Variants in RETREG1 observed in about 807,000 individuals in gnomAD.
RETREG1 encodes the protein family with sequence similarity 134 member B.
Under a neutral mutation model 54.8 loss-of-function variants are expected in RETREG1, and 44 were observed. The observed-to-expected ratio is 0.80, with a 90% confidence interval of 0.63 to 1.03. The LOEUF (loss-of-function observed/expected upper bound fraction) is 1.03, where lower values mean the gene tolerates loss of function less well. Ranked by LOEUF, RETREG1 falls within the 50% of genes least tolerant of loss-of-function variation. The probability of loss-of-function intolerance (pLI) is 0.00; values close to 1 mark genes in which losing one functional copy is unlikely to be tolerated. For synonymous variants in RETREG1, 217 were observed against 238.5 expected, an observed-to-expected ratio of 0.91 and a Z score of 0.83; for missense variants, 554 against 605.1, an observed-to-expected ratio of 0.92 and a Z score of 0.89.
intron 3 of RETREG1, 52 bp downstream of exon 3, chr5:16,565,711 C>G: frequency 3.6e-5 from 56 of 1,534,956 alleles, no homozygotes; most frequent in Non-Finnish European, 4.9e-5. Flanking sequence ...TGGCTCAGTC[C>G]CCTCCCTCAC....
chr5:16,548,909 G>A (rs957630778), intron 3 of RETREG1, among the ~76,000 whole-genome samples: 2 of 152,204 alleles, frequency 1.3e-5, no homozygotes, highest in African/African-American at 2.4e-5. Flanking sequence ...TGTTACGGCT[G>A]CCTGAGCAGA....
intron 1 of RETREG1, among the ~76,000 whole-genome samples, chr5:16,574,142 G>C (rs998601179): frequency 4.6e-5 from 7 of 152,100 alleles, no homozygotes; most frequent in African/African-American, 1.7e-4. Flanking sequence ...AATACAACAT[G>C]AACCAAAGAT....
intron 1 of RETREG1, among the ~76,000 whole-genome samples, chr5:16,599,451 C>G (rs1283479241): frequency 6.6e-6 from 1 of 152,094 alleles, no homozygotes; most frequent in Non-Finnish European, 1.5e-5. Context: ...ATCACAACCA[C>G]ACAGTATTTT....
chr5:16,609,732 A>G (rs1195101653), intron 1 of RETREG1, among the ~76,000 whole-genome samples: 1 of 152,104 alleles, frequency 6.6e-6, no homozygotes, highest in Admixed American at 6.5e-5. Flanking sequence ...CCAAGAAGAG[A>G]ATGGATTTTG....
At chr5:16,584,958 A>T (rs555406513) in intron 1 of RETREG1, among the ~76,000 whole-genome samples, 1 of 151,408 alleles carries the variant, frequency 6.6e-6, no homozygotes, top group East Asian at 1.9e-4. Flanking sequence ...CCAGGATTAA[A>T]TGGAACTCAG....
intron 3 of RETREG1, among the ~76,000 whole-genome samples, chr5:16,516,063 CAAA>C (rs11351805): frequency 1.7e-4 from 21 of 121,220 alleles, no homozygotes; most frequent in Non-Finnish European, 2.3e-4. Flanking sequence ...TGAAATAAAG[CAAA>C]AAAAAAAAAA....
rs796283033 is a variant in RETREG1, at chr5:16,589,316, G to GTT, written c.321-17216_321-17215dup. Among the ~76,000 whole-genome samples the GTT allele has an allele frequency of 1.0e-2, 1,416 of 141,824 alleles. 21 individuals carry two copies. Among genetic ancestry groups the GTT allele is most frequent in the African/African-American group, 0.034 (1,336 of 39,070 alleles). 93.0% of individuals were successfully genotyped at this position (141,824 alleles called of 152,430 possible). On this transcript the variant is annotated intron_variant, in intron 1 of 8. Transcript: ENST00000306320. ...AGAAAGATGTTTTCAAAACTTGAGT[G>GTT]TTTTTTTTTTTTTCAAAAAGGAGTT...
intron 3 of RETREG1, among the ~76,000 whole-genome samples, chr5:16,542,240 A>G (rs1040797727): frequency 3.3e-5 from 5 of 152,242 alleles, no homozygotes; most frequent in Non-Finnish European, 7.3e-5. Flanking sequence ...ACGGATTCGT[A>G]AAGGCAGGAG....
At chr5:16,483,516 A>C in intron 3 of RETREG1, 44 bp from the exon 4 acceptor site, 2 of 1,604,572 alleles carry the variant, frequency 1.2e-6, no homozygotes, top group Non-Finnish European at 1.7e-6. Flanking sequence ...ACTTTGGATG[A>C]TTCATTCAAC....
intron 3 of RETREG1, among the ~76,000 whole-genome samples, chr5:16,518,681 G>C (rs971112462): frequency 3.3e-5 from 5 of 152,218 alleles, no homozygotes; most frequent in African/African-American, 1.2e-4. Context: ...GCCTTCAGGA[G>C]CACCTCTCCA....
intron 3 of RETREG1, among the ~76,000 whole-genome samples, chr5:16,538,102 A>G (rs924292445): frequency 2.6e-5 from 4 of 152,216 alleles, no homozygotes; most frequent in Non-Finnish European, 2.9e-5. Context: ...CAAGACTTCC[A>G]GAGCTGCAGT....
chr5:16,565,612 TG>T (rs1274289357), intron 3 of RETREG1, 150 bp downstream of exon 3: 29 of 809,262 alleles, frequency 3.6e-5, no homozygotes, highest in Non-Finnish European at 5.8e-5. Flanking sequence ...CTCCGATTGA[TG>T]GTATTTTTCT....
At chr5:16,536,776 G>A (rs1020437461) in intron 3 of RETREG1, among the ~76,000 whole-genome samples, 17 of 152,144 alleles carry the variant, frequency 1.1e-4, no homozygotes, top group Admixed American at 3.9e-4. Flanking sequence ...CAAAGTCAAC[G>A]GATGCCTGAG....
chr5:16,526,636 C>A (rs79001471), intron 3 of RETREG1, among the ~76,000 whole-genome samples: 1 of 152,172 alleles, frequency 6.6e-6, no homozygotes, highest in Admixed American at 6.5e-5. Context: ...TTTTGTTTAA[C>A]AAATACATGT....
At chr5:16,604,699 C>A (rs2126365252) in intron 1 of RETREG1, among the ~76,000 whole-genome samples, 1 of 152,288 alleles carries the variant, frequency 6.6e-6, no homozygotes. Flanking sequence ...GGATTACCGT[C>A]AGGAGCGTGG....
intron 1 of RETREG1, 151 bp downstream of exon 1, chr5:16,616,501 G>A (rs1048686959): frequency 1.1e-5 from 15 of 1,361,926 alleles, no homozygotes; most frequent in Non-Finnish European, 1.5e-5. Flanking sequence ...GTGTCTACCT[G>A]TTCGAGACAG....
chr5:16,596,848 TCTTATGCAG>T (rs1315933441), intron 1 of RETREG1, among the ~76,000 whole-genome samples: 1 of 151,996 alleles, frequency 6.6e-6, no homozygotes, highest in African/African-American at 2.4e-5. Context: ...ACCACAAAAA[TCTTATGCAG>T]CTTCTATACG....
At chr5:16,571,602 G>A (rs1228939569) in intron 2 of RETREG1, among the ~76,000 whole-genome samples, 1 of 150,578 alleles carries the variant, frequency 6.6e-6, no homozygotes, top group Non-Finnish European at 1.5e-5. Context: ...TTTAACCATC[G>A]CTTGCTTTTA....
chr5:16,586,372 T>C (rs398274), intron 1 of RETREG1, among the ~76,000 whole-genome samples: 22,345 of 152,210 alleles, frequency 0.15, 1,683 homozygotes, highest in Non-Finnish European at 0.16. Context: ...AACACCTCCA[T>C]ATCCTCTGCC....
Sources: allele counts gnomAD v4.1 joint callset (sites outside exome capture counted in the v4.1 genomes callset), GRCh38; gene constraint gnomAD v4.1.1; transcripts MANE v1.5; gene names NCBI Gene and HGNC (gene_info 2026-07-23, HGNC 2026-07-21).